Variants in DNAH7 observed in about 807,000 individuals in gnomAD.
The protein encoded by DNAH7 is axonemal beta dynein heavy chain 7.
In DNAH7, 397 loss-of-function variants were observed where a neutral mutation model predicts 444.6. The ratio of observed to expected loss-of-function variants is 0.89; its 90% CI spans 0.82 to 0.97. The LOEUF is 0.97. DNAH7 is among the 50% of genes least tolerant of loss of function. The pLI is 0.00. For synonymous variants in DNAH7, 1,636 were observed against 1,624.4 expected (o/e 1.01, Z -0.17); for missense variants, 4,902 against 4,800.8 (o/e 1.02, Z -0.62).
At chr2:195,969,407 A>T (rs1435023960) in intron 17 of DNAH7, among the ~76,000 whole-genome samples, 1 of 152,236 alleles carries the variant, frequency 6.6e-6, no homozygotes, top group African/African-American at 2.4e-5. Flanking sequence ...AAATACAATT[A>T]AACTCTGTAA....
At chr2:195,921,990 T>C in intron 24 of DNAH7, 98 bp downstream of exon 24, 2 of 698,718 alleles carry the variant, frequency 2.9e-6, no homozygotes, top group South Asian at 4.0e-5. Flanking sequence ...ACAGGCTAAA[T>C]TAACAGTATG....
chr2:195,796,910 C>T (rs896732801), intron 55 of DNAH7, among the ~76,000 whole-genome samples, 173 bp from the exon 56 acceptor site: 1 of 152,136 alleles, frequency 6.6e-6, no homozygotes, highest in Non-Finnish European at 1.5e-5. Flanking sequence ...CTTATAAACA[C>T]TTCGATAAAA....
At chr2:195,738,164 C>CTGT (rs1553510046) in intron 64 of DNAH7, 37 bp from the exon 65 acceptor site, 16 of 1,573,240 alleles carry the variant, frequency 1.0e-5, no homozygotes, top group Non-Finnish European at 1.2e-5. Context: ...TAAGTCAAGG[C>CTGT]TGTTTGTTAA....
intron 24 of DNAH7, among the ~76,000 whole-genome samples, chr2:195,913,293 G>A (rs969559067): frequency 6.6e-6 from 1 of 152,022 alleles, no homozygotes; most frequent in South Asian, 2.1e-4. Context: ...AGGGAATAGA[G>A]ATATTTATTA....
chr2:195,751,037 A>T (rs1181685530), intron 63 of DNAH7, among the ~76,000 whole-genome samples: 1 of 152,208 alleles, frequency 6.6e-6, no homozygotes, highest in Non-Finnish European at 1.5e-5. Context: ...TAAAGCTTAT[A>T]TTATTAAGGA....
intron 59 of DNAH7, among the ~76,000 whole-genome samples, chr2:195,777,497 T>C (rs1305926548): frequency 1.3e-5 from 2 of 152,252 alleles, no homozygotes; most frequent in Non-Finnish European, 2.9e-5. Context: ...ATCTCTTATG[T>C]ATTTTCATTT....
At chr2:195,862,213 A>C (rs535726584) in intron 41 of DNAH7, among the ~76,000 whole-genome samples, 2 of 152,292 alleles carry the variant, frequency 1.3e-5, no homozygotes, top group South Asian at 4.1e-4. Context: ...AGGAGAAAGG[A>C]AAGGCAAATG....
intron 5 of DNAH7, among the ~76,000 whole-genome samples, chr2:196,042,758 A>T (rs1366027019): frequency 6.6e-6 from 1 of 152,122 alleles, no homozygotes; most frequent in African/African-American, 2.4e-5. Flanking sequence ...AGGAATAGAA[A>T]ATGTACAGCA....
rs773729726 is a variant in DNAH7, at chr2:195,872,366, T to C, written c.6517A>G (p.Lys2173Glu). Residue 2173 changes from lysine to glutamate, a missense_variant, in exon 40 of 65, where the codon AAA (lysine) becomes GAA (glutamate). By Grantham distance (56) the Lys-to-Glu change is moderately conservative (BLOSUM62 1). Coordinates refer to ENST00000312428, the MANE Select transcript of DNAH7 (RefSeq NM_018897.3). ...AMKNLLPTPA[K>E]SHYLFNLRDF... The stretch of plus-strand genomic sequence containing the variant: ...CGGAGGTTGAACAAGTAGTGAGATT[T>C]AGCTGGAGTAGGCAAGAGATTCTTC... 7 of 1,613,806 alleles carry C rather than the reference T, an allele frequency of 4.3e-6. No individual in the cohort carries two copies. The highest frequency in any genetic ancestry group is 1.3e-5 in the African/African-American group (1 of 74,914).
Position 195,737,792 on chromosome 2 carries a change from G to T in DNAH7, c.*129C>A. ...TAAGTTTAGCTGCATTTGCTCATAAGTAAATTCATAATTATAACTTTAGTC... is the reference window on the plus strand; with the variant it reads ...TAAGTTTAGCTGCATTTGCTCATAATTAAATTCATAATTATAACTTTAGTC... On this transcript the variant is annotated 3_prime_UTR_variant, in exon 65 of 65. Coordinates refer to ENST00000312428, the MANE Select transcript of DNAH7 (RefSeq NM_018897.3). The T allele has an allele frequency of 1.3e-6, 1 of 783,850 alleles. No individual in the cohort carries two copies. The highest frequency in any genetic ancestry group is 2.7e-5 in the East Asian group (1 of 36,930). The allele number at this position is 783,850 out of a possible 1,614,324, so 48.6% of individuals were successfully genotyped here.
chr2:196,057,199 G>C (rs1441963632), intron 2 of DNAH7, among the ~76,000 whole-genome samples: 1 of 151,996 alleles, frequency 6.6e-6, no homozygotes. Flanking sequence ...AAACTCAAAG[G>C]ATACGGAAGG....
chr2:195,910,470 C>A (rs1559213850), intron 24 of DNAH7, among the ~76,000 whole-genome samples: 1 of 152,110 alleles, frequency 6.6e-6, no homozygotes, highest in Non-Finnish European at 1.5e-5. Flanking sequence ...ATTCAGTTGA[C>A]TTTGAATCCC....
intron 51 of DNAH7, among the ~76,000 whole-genome samples, chr2:195,810,134 T>G (rs577300772): frequency 6.6e-6 from 1 of 152,102 alleles, no homozygotes; most frequent in Non-Finnish European, 1.5e-5. Flanking sequence ...GGATGGTATA[T>G]TAATCTGTTA....
At chr2:195,991,404 G>T (rs1693331376) in intron 12 of DNAH7, among the ~76,000 whole-genome samples, 1 of 152,028 alleles carries the variant, frequency 6.6e-6, no homozygotes, top group African/African-American at 2.4e-5. Context: ...GAAAGCTTAA[G>T]CTTTAAATAC....
At chr2:196,040,342 C>G (rs1294773397) in intron 5 of DNAH7, among the ~76,000 whole-genome samples, 1 of 151,980 alleles carries the variant, frequency 6.6e-6, no homozygotes, top group African/African-American at 2.4e-5. Flanking sequence ...AAAACCAAAT[C>G]CAATAATACA....
intron 1 of DNAH7, among the ~76,000 whole-genome samples, chr2:196,060,012 G>A (rs536547380): frequency 5.3e-5 from 8 of 152,110 alleles, no homozygotes; most frequent in Admixed American, 2.0e-4. Context: ...TCAGGAGATC[G>A]AAACCATCCT....
intron 21 of DNAH7, 38 bp from the exon 22 acceptor site, chr2:195,926,604 C>A (rs757623308): frequency 2.6e-6 from 4 of 1,533,590 alleles, no homozygotes; most frequent in Non-Finnish European, 2.6e-6. Context: ...TAACCATTTC[C>A]TGAACAAGTT....
chr2:195,834,114 G>A lies in DNAH7; in HGVS notation c.9100+92C>T, dbSNP rs1239935256. On this transcript the variant is annotated intron_variant, in intron 48 of 64. Transcript: ENST00000312428. Reference sequence around the variant, plus strand: ...CTCAGCTACTTGGTAGGCTGAGGTGGGAGGATCGCTTGAAACAATCTATAC... The same window carrying A: ...CTCAGCTACTTGGTAGGCTGAGGTGAGAGGATCGCTTGAAACAATCTATAC... The A allele has an allele frequency of 1.6e-5, 21 of 1,300,170 alleles. 1 individual carries two copies. Among genetic ancestry groups the A allele is most frequent in the Non-Finnish European group, 1.7e-5 (16 of 959,420 alleles). 80.5% of individuals were successfully genotyped at this position (1,300,170 alleles called of 1,614,324 possible).
Position 195,891,733 on chromosome 2 carries a change from G to T in DNAH7, c.4968C>A (p.Tyr1656Ter). ...CATGGGACACTGAATCAAACTGTCC[G>T]TACAGTTGGCCCATGGTGACAGACT... ...NPKSVTMGQL[Y>*]GQFDSVSHEW... Residue 1656 changes from tyrosine (Y) to a stop codon, truncating the protein, a stop_gained, in exon 31 of 65, where the codon TAC becomes TAA. Coordinates refer to ENST00000312428, the MANE Select transcript of DNAH7 (RefSeq NM_018897.3). LOFTEE classifies it high-confidence loss of function. 6.2e-7 allele frequency: 1 copy of T among 1,609,032 alleles called. No homozygotes were observed. Among genetic ancestry groups the T allele is most frequent in the Non-Finnish European group, 8.5e-7 (1 of 1,177,812 alleles).
Sources: allele counts gnomAD v4.1 joint callset (sites outside exome capture counted in the v4.1 genomes callset), GRCh38; gene constraint gnomAD v4.1.1; transcripts MANE v1.5; gene names NCBI Gene and HGNC (gene_info 2026-07-23, HGNC 2026-07-21).